Variants in CNTNAP4 observed in about 807,000 individuals in gnomAD.
CNTNAP4 encodes contactin-associated protein-like 4.
In CNTNAP4, 98 loss-of-function variants were observed where a neutral mutation model predicts 148.4. The ratio of observed to expected loss-of-function variants is 0.66; its 90% CI spans 0.56 to 0.78. The LOEUF (loss-of-function observed/expected upper bound fraction) is 0.78, where lower values mean the gene tolerates loss of function less well. CNTNAP4 is among the 30% of genes least tolerant of loss of function. The pLI is 0.00. For synonymous variants in CNTNAP4, 730 were observed against 565.1 expected, an observed-to-expected ratio of 1.29 and a Z score of -4.14; for missense variants, 1,935 against 1,565.6, an observed-to-expected ratio of 1.24 and a Z score of -3.98.
chr16:76,511,717 C>G (rs574496911), intron 15 of CNTNAP4, among the ~76,000 whole-genome samples: 45 of 151,554 alleles, frequency 3.0e-4, no homozygotes, highest in South Asian at 1.3e-3. Flanking sequence ...TTTCTTCTTC[C>G]TCCTCTTCTC....
intron 4 of CNTNAP4, among the ~76,000 whole-genome samples, chr16:76,434,473 A>G (rs1399152335): frequency 1.3e-5 from 2 of 152,304 alleles, no homozygotes; most frequent in East Asian, 3.9e-4. Flanking sequence ...ATCTAGTACA[A>G]CAGCTGCAAT....
chr16:76,502,352 G>C (rs1295588272), intron 15 of CNTNAP4, among the ~76,000 whole-genome samples: 1 of 148,896 alleles, frequency 6.7e-6, no homozygotes, highest in Non-Finnish European at 1.5e-5. Flanking sequence ...TACCACTTAA[G>C]TTACAACGCC....
intron 20 of CNTNAP4, 144 bp downstream of exon 20, chr16:76,539,996 A>G (rs2084381121): frequency 1.6e-6 from 1 of 606,398 alleles, no homozygotes; most frequent in Non-Finnish European, 2.8e-6. Context: ...AAATGTAGTC[A>G]GGATTCTTTT....
At chr16:76,534,186 GTA>G (rs2084114149) in intron 17 of CNTNAP4, among the ~76,000 whole-genome samples, 2 of 152,112 alleles carry the variant, frequency 1.3e-5, no homozygotes, top group Non-Finnish European at 2.9e-5. Context: ...CCATTTCTAT[GTA>G]TATTGTGGTT....
At chr16:76,330,388 A>C (rs961158535) in intron 2 of CNTNAP4, among the ~76,000 whole-genome samples, 10 of 152,200 alleles carry the variant, frequency 6.6e-5, no homozygotes, top group African/African-American at 2.4e-4. Context: ...ATAATGGGCC[A>C]TGCAGTTTTG....
intron 3 of CNTNAP4, among the ~76,000 whole-genome samples, chr16:76,405,634 C>G (rs1034772985): frequency 1.3e-5 from 2 of 152,000 alleles, no homozygotes; most frequent in Non-Finnish European, 2.9e-5. Flanking sequence ...AATCTTCATC[C>G]TCATTGTCTT....
chr16:76,445,319 T>A (rs1201721010), intron 4 of CNTNAP4, among the ~76,000 whole-genome samples: 1 of 152,166 alleles, frequency 6.6e-6, no homozygotes, highest in African/African-American at 2.4e-5. Flanking sequence ...ATGAACTTAG[T>A]TGTTTACTTG....
chr16:76,465,516 T>G (rs2081143378), intron 9 of CNTNAP4, among the ~76,000 whole-genome samples: 1 of 152,214 alleles, frequency 6.6e-6, no homozygotes, highest in Non-Finnish European at 1.5e-5. Flanking sequence ...TTTATTTTAT[T>G]CTGAGTTAGT....
intron 3 of CNTNAP4, among the ~76,000 whole-genome samples, chr16:76,398,846 A>G (rs1344491472): frequency 1.3e-5 from 2 of 152,070 alleles, no homozygotes; most frequent in Non-Finnish European, 2.9e-5. Flanking sequence ...GTACATATAT[A>G]TACTTATATA....
rs957321166 is a variant in CNTNAP4, at chr16:76,553,221, C to T, written c.3443-62C>T. 2.1e-5 allele frequency: 21 copies of T among 981,128 alleles called. No homozygotes were observed. The African/African-American group carries it at 2.9e-4, about 14-fold the overall frequency. 60.8% of individuals were successfully genotyped at this position (981,128 alleles called of 1,614,324 possible). On this transcript the variant is annotated intron_variant, in intron 21 of 23. Transcript: ENST00000611870. ...TGCATTAGCTCAGAATCCTCAATTTCTGCATCATCGCCTATTTTCACTTTT... is the reference window on the plus strand; with the variant it reads ...TGCATTAGCTCAGAATCCTCAATTTTTGCATCATCGCCTATTTTCACTTTT...
At chr16:76,541,907 GA>G (rs2084475737) in intron 21 of CNTNAP4, among the ~76,000 whole-genome samples, 1 of 152,174 alleles carries the variant, frequency 6.6e-6, no homozygotes, top group South Asian at 2.1e-4. Flanking sequence ...AAGCTTAACT[GA>G]AAAATTCCAA....
chr16:76,295,560 A>G (rs1959218433), intron 1 of CNTNAP4, among the ~76,000 whole-genome samples: 1 of 152,050 alleles, frequency 6.6e-6, no homozygotes, highest in Admixed American at 6.6e-5. Flanking sequence ...TAACTCCTGT[A>G]AAAAGTAATA....
chr16:76,479,283 TA>T, intron 11 of CNTNAP4, 135 bp from the exon 12 acceptor site: 1 of 567,162 alleles, frequency 1.8e-6, no homozygotes, highest in African/African-American at 1.9e-5. Flanking sequence ...AGTTTTGTTT[TA>T]AAGTAAGTTT....
intron 3 of CNTNAP4, among the ~76,000 whole-genome samples, chr16:76,404,730 T>C (rs1309092078): frequency 6.6e-6 from 1 of 152,158 alleles, no homozygotes; most frequent in East Asian, 1.9e-4. Context: ...AGTAAAGATT[T>C]AATACAAAAA....
intron 3 of CNTNAP4, among the ~76,000 whole-genome samples, chr16:76,410,563 G>A (rs778900545): frequency 9.9e-5 from 15 of 151,774 alleles, no homozygotes; most frequent in Non-Finnish European, 2.1e-4. Flanking sequence ...AACAGTGTCC[G>A]CTGCATGCAT....
At chr16:76,333,717 C>G (rs560016900) in intron 2 of CNTNAP4, among the ~76,000 whole-genome samples, 1 of 143,232 alleles carries the variant, frequency 7.0e-6, no homozygotes, top group African/African-American at 2.5e-5. Flanking sequence ...TGTACTAACT[C>G]AAAAATCAGA....
At chr16:76,403,102 T>A (rs1456103224) in intron 3 of CNTNAP4, among the ~76,000 whole-genome samples, 1 of 151,414 alleles carries the variant, frequency 6.6e-6, no homozygotes, top group East Asian at 1.9e-4. Flanking sequence ...TTATTTTTTT[T>A]TTTTTTTTGA....
In CNTNAP4 at chr16:76,535,749, C is replaced by G. The variant is rs746585517; in HGVS notation, c.2960C>G (p.Thr987Ser). Residue 987 changes from threonine (T) to serine (S), a missense_variant, in exon 18 of 24, where the codon ACT becomes AGT. Physicochemically the swap from Thr to Ser is moderately conservative, Grantham distance 58. Transcript: ENST00000611870. ...ERPIGFFCDC[T>S]FSAYTGPFCS... ...CCCATTGGGTTCTTTTGTGACTGCA[C>G]TTTCTCTGCATACACAGGGCCATTC... 1.9e-6 allele frequency: 3 copies of G among 1,613,774 alleles called. No individual in the cohort carries two copies. The highest frequency in any genetic ancestry group is 1.7e-6 in the Non-Finnish European group (2 of 1,179,852).
chr16:76,502,798 C>CT (rs1008216813), intron 15 of CNTNAP4, among the ~76,000 whole-genome samples: 50 of 145,332 alleles, frequency 3.4e-4, no homozygotes, highest in South Asian at 3.3e-3. Flanking sequence ...GAGATTAACA[C>CT]TTTTTTTTTT....
Sources: gnomAD v4.1 joint callset for allele counts (sites outside exome capture counted in the v4.1 genomes callset) on GRCh38, gnomAD v4.1.1 for gene constraint, MANE v1.5 for transcripts, NCBI Gene and HGNC (gene_info 2026-07-23, HGNC 2026-07-21) for gene names.